Variants in ZNF564 observed in about 807,000 individuals in gnomAD.
The protein encoded by ZNF564 is zinc finger protein 564.
Under a neutral mutation model 10.5 loss-of-function variants are expected in ZNF564, and 5 were observed. The ratio of observed to expected loss-of-function variants is 0.48; its 90% CI spans 0.25 to 1.00. The LOEUF (loss-of-function observed/expected upper bound fraction) is 1.00, where lower values mean the gene tolerates loss of function less well. Ranked by LOEUF, ZNF564 falls within the 50% of genes least tolerant of loss-of-function variation. The probability of loss-of-function intolerance (pLI) is 0.16; values close to 1 mark genes in which losing one functional copy is unlikely to be tolerated. For synonymous variants in ZNF564, 242 were observed against 218.1 expected, an observed-to-expected ratio of 1.11 and a Z score of -0.97; for missense variants, 603 against 669.7, an observed-to-expected ratio of 0.90 and a Z score of 1.10.
intron 1 of ZNF564, among the ~76,000 whole-genome samples, chr19:12,538,416 G>T (rs1267680678): frequency 6.6e-6 from 1 of 151,838 alleles, no homozygotes; most frequent in African/African-American, 2.4e-5. Flanking sequence ...ACGAGGTCAG[G>T]AGTTAAACAC....
chr19:12,544,937 C>T (rs1168863651), intron 1 of ZNF564, among the ~76,000 whole-genome samples: 1 of 152,128 alleles, frequency 6.6e-6, no homozygotes, highest in Non-Finnish European at 1.5e-5. Flanking sequence ...GAGGACCATT[C>T]ATGTGAAGAT....
chr19:12,543,660 C>T lies in ZNF564; in HGVS notation c.3+7670G>A, dbSNP rs1216187751. Among the ~76,000 whole-genome samples, 9 of 118,288 alleles carry T rather than the reference C, an allele frequency of 7.6e-5. No homozygotes were observed. The South Asian group carries it at 7.6e-4, about 10-fold the overall frequency. 77.6% of individuals were successfully genotyped at this position (118,288 alleles called of 152,430 possible). On this transcript the variant is annotated intron_variant, in intron 1 of 3. Coordinates refer to ENST00000339282, the MANE Select transcript of ZNF564 (RefSeq NM_144976.4). ...CTGCACTCCAGACGGGGCAACAAAG[C>T]GAGACTTCGTCTCAAAAAAAAAAAA...
At chr19:12,540,037 C>T (rs1022226825) in intron 1 of ZNF564, among the ~76,000 whole-genome samples, 1 of 151,356 alleles carries the variant, frequency 6.6e-6, no homozygotes, top group Admixed American at 6.6e-5. Flanking sequence ...CAGTATAATG[C>T]CACTTGCGTA....
intron 1 of ZNF564, among the ~76,000 whole-genome samples, chr19:12,541,231 G>T (rs1289628305): frequency 6.6e-6 from 1 of 151,944 alleles, no homozygotes; most frequent in Non-Finnish European, 1.5e-5. Context: ...CACCCTGGGT[G>T]ATGGGGTTAA....
chr19:12,540,664 C>T (rs111407656), intron 1 of ZNF564, among the ~76,000 whole-genome samples: 1 of 152,100 alleles, frequency 6.6e-6, no homozygotes, highest in East Asian at 1.9e-4. Context: ...ACCATCCTGG[C>T]TAACATGATG....
At chr19:12,537,323 T>C (rs779650501) in intron 1 of ZNF564, among the ~76,000 whole-genome samples, 1 of 152,208 alleles carries the variant, frequency 6.6e-6, no homozygotes, top group Non-Finnish European at 1.5e-5. Context: ...ACTGAACATG[T>C]ACAGACTTTT....
rs560036622 is a variant in ZNF564, at chr19:12,538,598, C to T, written c.4-9902G>A. On this transcript the variant is annotated intron_variant, in intron 1 of 3. Transcript: ENST00000339282. ...CAAGATTGCGCCATTGCATTCCAGC[C>T]TGGGCAACACAGCAAGACTCTGTCT... is the stretch of plus-strand genomic sequence containing the variant. Among the ~76,000 whole-genome samples the T allele has an allele frequency of 1.3e-3, 197 of 151,708 alleles. 1 individual carries two copies. The highest frequency in any genetic ancestry group is 2.2e-3 in the Non-Finnish European group (149 of 67,954).
intron 1 of ZNF564, among the ~76,000 whole-genome samples, chr19:12,530,466 TAAG>T (rs988352886): frequency 1.3e-5 from 2 of 152,044 alleles, no homozygotes; most frequent in African/African-American, 4.8e-5. Context: ...ACAAACATAC[TAAG>T]AAGACAAAAT....
Position 12,527,373 on chromosome 19 carries a change from A to G in ZNF564, c.735T>C (p.Ile245=). Residue 245 remains isoleucine (I), a synonymous_variant, in exon 4 of 4, where the codon ATT becomes ATC. Transcript: ENST00000339282. ...ISLPSFQRHM[I]RHTGDGPYKC... is the part of the protein sequence containing the mutation. The stretch of plus-strand genomic sequence containing the variant: ...TATAAGGTCCATCTCCAGTGTGCCT[A>G]ATCATGTGTCTTTGAAAACTTGGAA... The G allele has an allele frequency of 6.2e-7, 1 of 1,613,988 alleles. No homozygotes were observed. The highest frequency in any genetic ancestry group is 8.5e-7 in the Non-Finnish European group (1 of 1,179,984).
chr19:12,540,491 G>A (rs757780047), intron 1 of ZNF564, among the ~76,000 whole-genome samples: 14 of 152,054 alleles, frequency 9.2e-5, no homozygotes, highest in Non-Finnish European at 1.6e-4. Flanking sequence ...AGGCTGAGGC[G>A]GACAGATCAG....
At chr19:12,535,458 T>C (rs1399236215) in intron 1 of ZNF564, among the ~76,000 whole-genome samples, 2 of 152,162 alleles carry the variant, frequency 1.3e-5, no homozygotes, top group South Asian at 2.1e-4. Context: ...CTATAAGATA[T>C]TCTGCAAAAG....
intron 1 of ZNF564, among the ~76,000 whole-genome samples, chr19:12,534,763 G>A (rs916273580): frequency 7.9e-5 from 12 of 152,040 alleles, no homozygotes; most frequent in African/African-American, 1.7e-4. Context: ...GCAGTAAGCC[G>A]AGATCTTGAC....
At chr19:12,531,188 T>A (rs1356998859) in intron 1 of ZNF564, among the ~76,000 whole-genome samples, 1 of 152,146 alleles carries the variant, frequency 6.6e-6, no homozygotes, top group Non-Finnish European at 1.5e-5. Context: ...ATAATGAATA[T>A]CTAACAATGG....
chr19:12,535,026 CA>C (rs2021881837), intron 1 of ZNF564, among the ~76,000 whole-genome samples: 1 of 151,930 alleles, frequency 6.6e-6, no homozygotes, highest in African/African-American at 2.4e-5. Context: ...TAAATATAAT[CA>C]TATGGATGAA....
intron 1 of ZNF564, among the ~76,000 whole-genome samples, chr19:12,539,548 G>A (rs1277007687): frequency 1.3e-5 from 2 of 149,454 alleles, no homozygotes; most frequent in Admixed American, 1.3e-4. Flanking sequence ...CGTACCTGTA[G>A]TCCCAGTTAC....
intron 1 of ZNF564, among the ~76,000 whole-genome samples, chr19:12,536,061 A>G (rs1241608116): frequency 2.6e-5 from 4 of 152,130 alleles, no homozygotes; most frequent in African/African-American, 4.8e-5. Flanking sequence ...TGATCATTAA[A>G]TAACTCTGTA....
intron 1 of ZNF564, among the ~76,000 whole-genome samples, chr19:12,536,584 C>T (rs1317272603): frequency 6.6e-6 from 1 of 152,086 alleles, no homozygotes; most frequent in Admixed American, 6.6e-5. Context: ...CTGTATATTC[C>T]GAGAAGTTAG....
At chr19:12,538,246 T>C (rs985520533) in intron 1 of ZNF564, among the ~76,000 whole-genome samples, 2 of 151,914 alleles carry the variant, frequency 1.3e-5, no homozygotes, top group African/African-American at 2.4e-5. Context: ...CCTAACACTT[T>C]AGGAGGCAAA....
At chr19:12,550,939 GA>G (rs1221577269) in intron 1 of ZNF564, among the ~76,000 whole-genome samples, 4 of 152,142 alleles carry the variant, frequency 2.6e-5, no homozygotes, top group African/African-American at 4.8e-5. Context: ...CAGTCCCCCG[GA>G]AAAAAAGACG....
Sources: allele counts gnomAD v4.1 joint callset (sites outside exome capture counted in the v4.1 genomes callset), GRCh38; gene constraint gnomAD v4.1.1; transcripts MANE v1.5; gene names NCBI Gene and HGNC (gene_info 2026-07-23, HGNC 2026-07-21).